The following PLCZ1 variants were observed in gnomAD, a reference collection of about 807,000 sequenced individuals.
PLCZ1 encodes phospholipase C zeta 1, also known as 1-phosphatidylinositol 4,5-bisphosphate phosphodiesterase zeta-1.
In PLCZ1, 64 loss-of-function variants were observed where a neutral mutation model predicts 76.8. That is an observed-to-expected ratio of 0.83 (90% CI 0.68 to 1.03). PLCZ1 has a LOEUF of 1.03. Ranked by LOEUF, PLCZ1 falls within the 50% of genes least tolerant of loss-of-function variation. The pLI is 0.00. For synonymous variants in PLCZ1, 248 were observed against 230.8 expected, an observed-to-expected ratio of 1.07 and a Z score of -0.68; for missense variants, 751 against 713.7, an observed-to-expected ratio of 1.05 and a Z score of -0.60.
downstream of PLCZ1, among the ~76,000 whole-genome samples, chr12:18,681,017 A>G (rs1192175164): frequency 6.6e-6 from 1 of 151,990 alleles, no homozygotes; most frequent in African/African-American, 2.4e-5. Flanking sequence ...GACGATATTC[A>G]TGTTTTTGCC....
At chr12:18,736,952 C>CAA (rs376695589) in intron 2 of PLCZ1, among the ~76,000 whole-genome samples, 20 of 151,354 alleles carry the variant, frequency 1.3e-4, no homozygotes, top group Non-Finnish European at 2.2e-4. Context: ...GTATGAAAAA[C>CAA]GAAAAAAATT....
chr12:18,664,455 A>C, the PLCZ1 span, among the ~76,000 whole-genome samples: 79,713 of 152,018 alleles, frequency 0.52, 21,969 homozygotes, highest in South Asian at 0.67. Flanking sequence ...GAAGGAAATT[A>C]TGGCATATAC....
intron 10 of PLCZ1, among the ~76,000 whole-genome samples, chr12:18,698,235 C>T (rs1456957832): frequency 6.7e-6 from 1 of 149,230 alleles, no homozygotes; most frequent in Non-Finnish European, 1.5e-5. Flanking sequence ...GCTTGCAATA[C>T]ACTTTTCTTC....
chr12:18,674,666 C>G, the PLCZ1 span, among the ~76,000 whole-genome samples: 2 of 152,172 alleles, frequency 1.3e-5, no homozygotes, highest in East Asian at 3.8e-4. Context: ...TTTGCAACTA[C>G]TCCCATGAAG....
At chr12:18,646,130 A>G in the PLCZ1 span, among the ~76,000 whole-genome samples, 1 of 152,218 alleles carries the variant, frequency 6.6e-6, no homozygotes, top group Non-Finnish European at 1.5e-5. Context: ...TTTTTAAGGC[A>G]ACTCTTAAAA....
chr12:18,683,132 T>C (rs1023753449), downstream of PLCZ1: 4 of 937,570 alleles, frequency 4.3e-6, no homozygotes, highest in African/African-American at 5.0e-5. Context: ...TTTCTAGTTT[T>C]ATGAGTAATT....
chr12:18,683,963 G>A (rs1952707228), intron 14 of PLCZ1, among the ~76,000 whole-genome samples, 167 bp downstream of exon 14: 2 of 151,772 alleles, frequency 1.3e-5, no homozygotes, highest in South Asian at 2.1e-4. Flanking sequence ...CCTTCCACAT[G>A]AGAACACATT....
chr12:18,736,074 A>G (rs866817328), intron 3 of PLCZ1, 147 bp downstream of exon 3: 1 of 858,298 alleles, frequency 1.2e-6, no homozygotes, highest in African/African-American at 1.7e-5. Flanking sequence ...TTTACCTTCT[A>G]CTGAAATGCT....
At chr12:18,648,336 TTG>T in the PLCZ1 span, 2 of 231,068 alleles carry the variant, frequency 8.7e-6, no homozygotes, top group African/African-American at 4.4e-5. Context: ...TTTGTTTTAA[TTG>T]TGTGCCTACA....
At chr12:18,732,295 G>C (rs1959094493) in intron 3 of PLCZ1, among the ~76,000 whole-genome samples, 1 of 152,020 alleles carries the variant, frequency 6.6e-6, no homozygotes, top group South Asian at 2.1e-4. Context: ...GGGCCCACAG[G>C]CACACACCAC....
chr12:18,737,205 GAA>G lies in PLCZ1; in HGVS notation c.11+154_11+155del, dbSNP rs1959443987. ...TAAGAAAAAGATACCAGAATGCAGG[GAA>G]AGTTAGAAAAGCTCAGAACAAACAG... is the stretch of plus-strand genomic sequence containing the variant. On this transcript the variant is annotated intron_variant, in intron 2 of 14. Coordinates refer to ENST00000266505, the MANE Select transcript of PLCZ1 (RefSeq NM_033123.4). Among the ~76,000 whole-genome samples the G allele has an allele frequency of 3.3e-5, 5 of 152,212 alleles. No homozygotes were observed. In the South Asian group the frequency reaches 1.0e-3, roughly 32 times the overall value.
chr12:18,662,745 CAT>C, the PLCZ1 span, among the ~76,000 whole-genome samples: 1 of 151,980 alleles, frequency 6.6e-6, no homozygotes, highest in African/African-American at 2.4e-5. Context: ...AGCAGAATCT[CAT>C]ATGTTACTGA....
intron 4 of PLCZ1, among the ~76,000 whole-genome samples, chr12:18,721,187 A>C (rs1958415208): frequency 6.6e-6 from 1 of 152,100 alleles, no homozygotes; most frequent in African/African-American, 2.4e-5. Context: ...TTGGTAATGG[A>C]ATAGAAAATA....
intron 14 of PLCZ1, 79 bp downstream of exon 14, chr12:18,684,051 G>T: frequency 1.4e-6 from 2 of 1,468,846 alleles, no homozygotes; most frequent in Non-Finnish European, 1.9e-6. Flanking sequence ...AGAGCTATTT[G>T]GTATGTCAAA....
At chr12:18,707,959 A>G (rs536318194) in intron 6 of PLCZ1, among the ~76,000 whole-genome samples, 1 of 152,218 alleles carries the variant, frequency 6.6e-6, no homozygotes, top group African/African-American at 2.4e-5. Context: ...ACAGTGAATC[A>G]AATTAACATA....
At chr12:18,705,075 G>T in intron 7 of PLCZ1, 91 bp downstream of exon 7, 2 of 1,477,370 alleles carry the variant, frequency 1.4e-6, no homozygotes, top group East Asian at 2.3e-5. Flanking sequence ...CATTTTCATT[G>T]GTCTCTAGCC....
intron 9 of PLCZ1, among the ~76,000 whole-genome samples, chr12:18,700,512 C>CAAAAAAAAAAAAAAAAA (rs11324526): frequency 8.8e-5 from 6 of 67,896 alleles, no homozygotes; most frequent in African/African-American, 1.8e-4. Context: ...AGCCAACGTA[C>CAAAAAAAAAAAAAAAAA]AAAAAAAAAA....
chr12:18,683,589 C>T (rs1405104809), intron 14 of PLCZ1: 5 of 1,450,490 alleles, frequency 3.4e-6, no homozygotes, highest in Non-Finnish European at 3.7e-6. Flanking sequence ...AGCCACCACC[C>T]TTCTGCTTCA....
chr12:18,683,372 G>A (rs376639088), intron 14 of PLCZ1, 48 bp from the exon 15 acceptor site: 5 of 1,572,898 alleles, frequency 3.2e-6, no homozygotes, highest in African/African-American at 1.4e-5. Flanking sequence ...ATTAATCAGT[G>A]GTGTCTCCAA....
Sources: gnomAD v4.1 joint callset for allele counts (sites outside exome capture counted in the v4.1 genomes callset) on GRCh38, gnomAD v4.1.1 for gene constraint, MANE v1.5 for transcripts, NCBI Gene and HGNC (gene_info 2026-07-23, HGNC 2026-07-21) for gene names.